RCOR1: variants seen among roughly 807,000 people sequenced by gnomAD.
RCOR1 encodes the protein REST corepressor 1.
In RCOR1, 12 loss-of-function variants were observed where a neutral mutation model predicts 64.0. That is an observed-to-expected ratio of 0.19 (90% CI 0.12 to 0.30). The LOEUF is 0.30. Among genes scored for constraint, RCOR1 ranks in the 10% least tolerant of loss-of-function variants. The pLI, the probability that RCOR1 is intolerant of heterozygous loss-of-function variation, is 1.00. For missense variants in RCOR1, 502 were observed against 621.2 expected (o/e 0.81, Z 2.04); for synonymous variants, 279 against 227.2 (o/e 1.23, Z -2.05).
At chr14:102,653,263 G>C (rs1162567608) in intron 2 of RCOR1, among the ~76,000 whole-genome samples, 2 of 152,000 alleles carry the variant, frequency 1.3e-5, no homozygotes, top group East Asian at 3.9e-4. Flanking sequence ...CTTTCACCCA[G>C]GCTGGAGTGT....
chr14:102,646,122 G>A (rs1320513682), intron 2 of RCOR1, among the ~76,000 whole-genome samples: 1 of 152,186 alleles, frequency 6.6e-6, no homozygotes, highest in Middle Eastern at 3.2e-3. Context: ...CTGTAAGAAG[G>A]TGATATGGGG....
At chr14:102,600,450 G>A (rs1490297708) in intron 2 of RCOR1, among the ~76,000 whole-genome samples, 1 of 151,974 alleles carries the variant, frequency 6.6e-6, no homozygotes, top group Admixed American at 6.6e-5. Flanking sequence ...CACCCAGGCT[G>A]GAGAGCAATG....
In RCOR1 at chr14:102,728,307, C is replaced by G. The variant is rs1896310037; in HGVS notation, c.*1801C>G. On this transcript the variant is annotated 3_prime_UTR_variant, in exon 12 of 12. Transcript: ENST00000262241. ...AAGCCTGGGAAGCATCAGAGGAGTC[C>G]CGGATTGCTGCTGCTACCTGGAGAC... is the stretch of plus-strand genomic sequence containing the variant. 1 of 152,068 alleles carries G rather than the reference C, an allele frequency of 6.6e-6. No individual in the cohort carries two copies. 9.4% of individuals were successfully genotyped at this position (152,068 alleles called of 1,614,324 possible).
chr14:102,719,304 A>G (rs952916280), intron 8 of RCOR1, among the ~76,000 whole-genome samples: 3 of 152,074 alleles, frequency 2.0e-5, no homozygotes, highest in African/African-American at 7.3e-5. Context: ...CACAACGTGC[A>G]GGTTTATTAC....
chr14:102,633,237 A>G (rs1416548398), intron 2 of RCOR1, among the ~76,000 whole-genome samples: 1 of 152,140 alleles, frequency 6.6e-6, no homozygotes, highest in Non-Finnish European at 1.5e-5. Flanking sequence ...TCCAATAGAA[A>G]GTGGTTACAA....
chr14:102,687,537 A>T (rs1895445848), intron 3 of RCOR1, among the ~76,000 whole-genome samples: 1 of 152,236 alleles, frequency 6.6e-6, no homozygotes, highest in South Asian at 2.1e-4. Context: ...GAGACATTTC[A>T]TGTTGAGGAA....
intron 2 of RCOR1, among the ~76,000 whole-genome samples, chr14:102,631,885 C>G (rs1055401916): frequency 7.9e-5 from 12 of 151,752 alleles, no homozygotes; most frequent in African/African-American, 2.9e-4. Flanking sequence ...ACTGCAACCT[C>G]TGCCTCCAGG....
At chr14:102,638,059 C>T (rs138771376) in intron 2 of RCOR1, among the ~76,000 whole-genome samples, 104 of 152,324 alleles carry the variant, frequency 6.8e-4, no homozygotes, top group Non-Finnish European at 1.3e-3. Context: ...CCCCAGATTG[C>T]AGATTTACCA....
In RCOR1 at chr14:102,702,771, T is replaced by C. The variant is rs140273936; in HGVS notation, c.498+1441T>C. On this transcript the variant is annotated intron_variant, in intron 4 of 11. Transcript: ENST00000262241. Reference sequence around the variant, plus strand: ...CTGAGGAAGAGTGTGATTATGAGTTTACTACATTATTAGATTCAGATGTCC... The same window carrying C: ...CTGAGGAAGAGTGTGATTATGAGTTCACTACATTATTAGATTCAGATGTCC... Among the ~76,000 whole-genome samples, 319 of 152,270 alleles carry C rather than the reference T, an allele frequency of 2.1e-3. 1 individual carries two copies. The highest frequency in any genetic ancestry group is 3.0e-3 in the Non-Finnish European group (204 of 68,016).
chr14:102,599,918 C>T (rs932558827), intron 2 of RCOR1, among the ~76,000 whole-genome samples: 3 of 151,882 alleles, frequency 2.0e-5, no homozygotes, highest in Non-Finnish European at 4.4e-5. Context: ...ATCCTCCCCC[C>T]TCAGCCTCAT....
chr14:102,718,407 A>G (rs1896109374), intron 8 of RCOR1, among the ~76,000 whole-genome samples: 1 of 152,194 alleles, frequency 6.6e-6, no homozygotes, highest in Non-Finnish European at 1.5e-5. Context: ...TTCCCAAGAC[A>G]TCATCAACCT....
intron 2 of RCOR1, among the ~76,000 whole-genome samples, chr14:102,622,382 C>T (rs1011268942): frequency 1.4e-4 from 21 of 152,142 alleles, no homozygotes; most frequent in Non-Finnish European, 2.8e-4. Flanking sequence ...CCCACTCTCC[C>T]TACCCTCACC....
At chr14:102,682,619 A>G (rs1482251819) in intron 3 of RCOR1, among the ~76,000 whole-genome samples, 3 of 152,100 alleles carry the variant, frequency 2.0e-5, no homozygotes, top group Admixed American at 1.3e-4. Context: ...GCCTTTTCAG[A>G]TGGTTTTTTT....
chr14:102,648,235 C>T (rs1471223541), intron 2 of RCOR1, among the ~76,000 whole-genome samples: 2 of 152,154 alleles, frequency 1.3e-5, no homozygotes. Flanking sequence ...TGCGCCACCA[C>T]ACCTGGCTAA....
chr14:102,621,141 T>C (rs1032336238), intron 2 of RCOR1, among the ~76,000 whole-genome samples: 1 of 152,206 alleles, frequency 6.6e-6, no homozygotes, highest in Non-Finnish European at 1.5e-5. Context: ...AGCTAGTTTT[T>C]TAGAATTTTT....
Position 102,711,043 on chromosome 14 carries a change from G to A in RCOR1, c.858+30G>A, listed in dbSNP as rs561434157. 1.0e-4 allele frequency: 148 copies of A among 1,417,328 alleles called. 1 individual carries two copies. In the South Asian group the frequency reaches 1.4e-3, roughly 14 times the overall value. The allele number at this position is 1,417,328 out of a possible 1,614,324, so 87.8% of individuals were successfully genotyped here. ...TTTTTCCCCCTAGTATTGTTTAGGC[G>A]AATAAATTTTATTACTAGTTTCATA... On this transcript the variant is annotated intron_variant, in intron 7 of 11. Coordinates refer to ENST00000262241, the MANE Select transcript of RCOR1 (RefSeq NM_015156.4).
At chr14:102,706,142 A>AAC (rs1281591870) in intron 4 of RCOR1, among the ~76,000 whole-genome samples, 42 of 138,638 alleles carry the variant, frequency 3.0e-4, no homozygotes, top group African/African-American at 1.0e-3. Context: ...AAAAAAAAAA[A>AAC]CCTAAAAAAA....
intron 3 of RCOR1, among the ~76,000 whole-genome samples, chr14:102,699,626 A>G (rs1052789034): frequency 6.6e-6 from 1 of 152,176 alleles, no homozygotes; most frequent in Non-Finnish European, 1.5e-5. Context: ...ATAGTGGGAA[A>G]GTGGATCACT....
chr14:102,648,878 T>A (rs1894526773), intron 2 of RCOR1, among the ~76,000 whole-genome samples: 1 of 152,152 alleles, frequency 6.6e-6, no homozygotes, highest in African/African-American at 2.4e-5. Flanking sequence ...AAGAGAAATC[T>A]TGGGATAATA....
Sources: allele counts gnomAD v4.1 joint callset (sites outside exome capture counted in the v4.1 genomes callset), GRCh38; gene constraint gnomAD v4.1.1; transcripts MANE v1.5; gene names NCBI Gene and HGNC (gene_info 2026-07-23, HGNC 2026-07-21).